The following SOHLH2 variants were observed in gnomAD, a reference collection of about 807,000 sequenced individuals.
SOHLH2 encodes the protein spermatogenesis and oogenesis specific basic helix-loop-helix 2.
In SOHLH2, 22 loss-of-function variants were observed where a neutral mutation model predicts 50.4. The ratio of observed to expected loss-of-function variants is 0.44; its 90% CI spans 0.31 to 0.62. SOHLH2 has a LOEUF of 0.62. SOHLH2 is among the 20% of genes least tolerant of loss of function. The pLI is 0.08. For missense variants in SOHLH2, 412 were observed against 504.4 expected (o/e 0.82, Z 1.76); for synonymous variants, 185 against 187.3 (o/e 0.99, Z 0.10).
intron 1 of SOHLH2, 111 bp from the exon 2 acceptor site, chr13:36,202,204 TC>T: frequency 2.2e-6 from 3 of 1,336,644 alleles, no homozygotes; most frequent in African/African-American, 2.9e-5. Flanking sequence ...AACAATTGAC[TC>T]CATATCTAGT....
chr13:36,174,719 T>C lies in SOHLH2; in HGVS notation c.789+3A>G. ...AAAATTCAAAGCTTTGGGAGTCAAATACCTGGGCCATAACGGCTGGAGAGA... is the reference window on the plus strand; with the variant it reads ...AAAATTCAAAGCTTTGGGAGTCAAACACCTGGGCCATAACGGCTGGAGAGA... On this transcript the variant is annotated splice_donor_region_variant and intron_variant, in intron 7 of 10. Coordinates refer to ENST00000379881, the MANE Select transcript of SOHLH2 (RefSeq NM_017826.3). 6.3e-7 allele frequency: 1 copy of C among 1,598,576 alleles called. No homozygotes were observed. The highest frequency in any genetic ancestry group is 2.2e-5 in the East Asian group (1 of 44,826).
In SOHLH2 at chr13:36,174,804, T is replaced by C; in HGVS notation, c.707A>G (p.Asn236Ser). The change falls in exon 7 of 11, where the codon AAT becomes AGT. Residue 236 changes from asparagine to serine, a missense_variant. Coordinates refer to ENST00000379881, the MANE Select transcript of SOHLH2 (RefSeq NM_017826.3). Reference protein sequence around the residue: ...TLLPYVKGRKNDAASVLEATV... With the variant: ...TLLPYVKGRKSDAASVLEATV... ...TGCCTCAAGAACTGAAGCCGCATCA[T>C]TCTTTCTCCCTTTTACATACGGCAA... The C allele has an allele frequency of 6.2e-7, 1 of 1,611,176 alleles. No individual in the cohort carries two copies.
intron 1 of SOHLH2, among the ~76,000 whole-genome samples, chr13:36,209,735 G>A (rs764548830): frequency 3.9e-5 from 6 of 152,152 alleles, no homozygotes; most frequent in Admixed American, 6.5e-5. Context: ...CTCTTCAATC[G>A]TTCAGTGTGT....
intron 1 of SOHLH2, among the ~76,000 whole-genome samples, chr13:36,205,021 G>A (rs986259780): frequency 3.9e-5 from 6 of 152,100 alleles, no homozygotes; most frequent in Non-Finnish European, 8.8e-5. Flanking sequence ...TTCAACCTTT[G>A]GAGGTCACTG....
At chr13:36,182,032 GT>G (rs1887270534) in intron 6 of SOHLH2, 4 of 978,898 alleles carry the variant, frequency 4.1e-6, no homozygotes, top group Non-Finnish European at 4.9e-6. Flanking sequence ...ATTTATTAAT[GT>G]TTTAAAAACC....
At chr13:36,193,443 T>C (rs1887632426) in intron 4 of SOHLH2, among the ~76,000 whole-genome samples, 178 bp downstream of exon 4, 1 of 152,262 alleles carries the variant, frequency 6.6e-6, no homozygotes, top group Non-Finnish European at 1.5e-5. Context: ...ACCGCAGCAC[T>C]GTATTTGCCC....
In SOHLH2 at chr13:36,174,552, G is replaced by C; in HGVS notation, c.805C>G (p.Gln269Glu). 4 of 1,614,176 alleles carry C rather than the reference G, an allele frequency of 2.5e-6. No individual in the cohort carries two copies. The highest frequency in any genetic ancestry group is 3.4e-6 in the Non-Finnish European group (4 of 1,180,046). The change falls in exon 8 of 11, where the codon CAG becomes GAG. Residue 269 changes from glutamine (Q) to glutamate (E), a missense_variant. Transcript: ENST00000379881. ...TTCTTACAAAACCTCATGTTGCTCTGAAGTGCTTCTGTAATCTAAAAAACA... is the reference window on the plus strand; with the variant it reads ...TTCTTACAAAACCTCATGTTGCTCTCAAGTGCTTCTGTAATCTAAAAAACA... ...AVMAQITEAL[Q>E]SNMRFCKKQQ...
At chr13:36,190,407 G>A (rs1446136226) in intron 5 of SOHLH2, among the ~76,000 whole-genome samples, 1 of 152,056 alleles carries the variant, frequency 6.6e-6, no homozygotes, top group Non-Finnish European at 1.5e-5. Context: ...TACATTACAG[G>A]AAAAAAGCAT....
chr13:36,173,729 A>G lies in SOHLH2; in HGVS notation c.963T>C (p.Thr321=). 6.2e-7 allele frequency: 1 copy of G among 1,613,638 alleles called. No individual in the cohort carries two copies. Among genetic ancestry groups the G allele is most frequent in the South Asian group, 1.1e-5 (1 of 91,064 alleles). The stretch of plus-strand genomic sequence containing the variant: ...CATCCAAGGAGCTCTCTGCATCAGG[A>G]GTGGAGCACCCATTCCAGCACGTAT... The part of the protein sequence containing the change: ...LTNTCWNGCS[T]PDAESSLDEA... Residue 321 remains threonine (T), a synonymous_variant, in exon 9 of 11, where the codon ACT becomes ACC. Transcript: ENST00000379881.
At chr13:36,194,905 C>G (rs908704266) in intron 2 of SOHLH2, among the ~76,000 whole-genome samples, 1 of 152,032 alleles carries the variant, frequency 6.6e-6, no homozygotes, top group Non-Finnish European at 1.5e-5. Context: ...GTTAGTTTAT[C>G]TTACATATGC....
rs372124750 is a variant in SOHLH2, at chr13:36,185,454, A to G, written c.641+4492T>C. On this transcript the variant is annotated intron_variant, in intron 6 of 10. Transcript: ENST00000379881. ...TGCACTCCAGCCTGGGTGACAGAGCAAGACTCTGTCTCAAAACAAACAAAC... is the reference window on the plus strand; with the variant it reads ...TGCACTCCAGCCTGGGTGACAGAGCGAGACTCTGTCTCAAAACAAACAAAC... Among the ~76,000 whole-genome samples, 14 of 152,222 alleles carry G rather than the reference A, an allele frequency of 9.2e-5. No homozygotes were observed. The East Asian group carries it at 1.5e-3, about 17-fold the overall frequency.
At chr13:36,202,251 G>T (rs1166238767) in intron 1 of SOHLH2, among the ~76,000 whole-genome samples, 158 bp from the exon 2 acceptor site, 1 of 152,162 alleles carries the variant, frequency 6.6e-6, no homozygotes, top group South Asian at 2.1e-4. Flanking sequence ...AGCAGCTCAA[G>T]GACAGGAACT....
At chr13:36,183,784 G>A (rs1295821930) in intron 6 of SOHLH2, among the ~76,000 whole-genome samples, 1 of 152,094 alleles carries the variant, frequency 6.6e-6, no homozygotes, top group Non-Finnish European at 1.5e-5. Flanking sequence ...TATCAAAGTA[G>A]ATTTTTTAAG....
intron 1 of SOHLH2, among the ~76,000 whole-genome samples, chr13:36,205,314 T>G (rs572509479): frequency 4.7e-4 from 71 of 152,222 alleles, no homozygotes; most frequent in African/African-American, 1.6e-3. Context: ...ATAACAGGAG[T>G]GACAGTAGGT....
chr13:36,189,560 T>C (rs1277920519), intron 6 of SOHLH2, among the ~76,000 whole-genome samples: 2 of 152,210 alleles, frequency 1.3e-5, no homozygotes, highest in Non-Finnish European at 2.9e-5. Context: ...TACTGCCATC[T>C]CAAGAAAACT....
chr13:36,207,753 G>A (rs1868865917), intron 1 of SOHLH2, among the ~76,000 whole-genome samples: 1 of 152,050 alleles, frequency 6.6e-6, no homozygotes, highest in Non-Finnish European at 1.5e-5. Context: ...AGTTTTTACT[G>A]GCTTTTGAGG....
intron 6 of SOHLH2, 90 bp downstream of exon 6, chr13:36,189,856 T>C (rs1887524108): frequency 7.8e-7 from 1 of 1,274,136 alleles, no homozygotes; most frequent in Non-Finnish European, 1.0e-6. Flanking sequence ...GTTTCACTTA[T>C]ACTTTTAATA....
chr13:36,171,856 G>A (rs1048579175), intron 9 of SOHLH2, among the ~76,000 whole-genome samples: 1 of 152,094 alleles, frequency 6.6e-6, no homozygotes, highest in African/African-American at 2.4e-5. Context: ...ATATACATAT[G>A]TATGACACAA....
intron 2 of SOHLH2, among the ~76,000 whole-genome samples, chr13:36,199,807 T>C (rs1928021): frequency 0.74 from 112,630 of 152,028 alleles, 41,945 homozygotes; most frequent in African/African-American, 0.8. Context: ...GTTCAAAAGG[T>C]GGCTCTGATA....
Sources: allele counts gnomAD v4.1 joint callset (sites outside exome capture counted in the v4.1 genomes callset), GRCh38; gene constraint gnomAD v4.1.1; transcripts MANE v1.5; gene names NCBI Gene and HGNC (gene_info 2026-07-23, HGNC 2026-07-21).